The following CHD5 variants were observed in gnomAD, a reference collection of about 807,000 sequenced individuals.
The protein encoded by CHD5 is chromodomain helicase DNA binding protein 5, also known as ATP-dependent chromatin remodeler CHD5.
In CHD5, 69 loss-of-function variants were observed where a neutral mutation model predicts 230.3. That is an observed-to-expected ratio of 0.30 (90% CI 0.25 to 0.37). The LOEUF (loss-of-function observed/expected upper bound fraction) is 0.37. Ranked by LOEUF, CHD5 falls within the 10% of genes least tolerant of loss-of-function variation. CHD5 has a pLI of 1.00. For missense variants in CHD5, 1,827 were observed against 2,622.8 expected, an observed-to-expected ratio of 0.70 and a Z score of 6.63; for synonymous variants, 1,064 against 1,065.9, an observed-to-expected ratio of 1.00 and a Z score of 0.03.
chr1:6,121,725 G>A lies in CHD5; in HGVS notation c.4700-152C>T, dbSNP rs988354000. 54 of 612,478 alleles carry A rather than the reference G, an allele frequency of 8.8e-5. No homozygotes were observed. Among genetic ancestry groups the A allele is most frequent in the African/African-American group, 2.0e-4 (11 of 53,810 alleles). The allele number at this position is 612,478 out of a possible 1,614,324, so 37.9% of individuals were successfully genotyped here. ...TCCAGGAGAGACAAGCAGGATCCCC[G>A]GCTAAGTCAGAGAGGCCAGGCCAGG... On this transcript the variant is annotated intron_variant, in intron 31 of 41. Transcript: ENST00000262450. The surrounding 1 kb of genome is among the most constrained non-coding windows in gnomAD (Gnocchi z 4.5).
At chr1:6,124,773 ACCT>A (rs1666527774) in intron 29 of CHD5, 112 bp from the exon 30 acceptor site, 3 of 754,320 alleles carry the variant, frequency 4.0e-6, no homozygotes, top group Non-Finnish European at 6.4e-6. Context: ...ACCATCGCCC[ACCT>A]CCTAGTCAGG....
At chr1:6,106,311 G>C (rs955170108) in intron 40 of CHD5, 24 bp from the exon 41 acceptor site, 4 of 1,612,790 alleles carry the variant, frequency 2.5e-6, no homozygotes, top group Non-Finnish European at 3.4e-6. Flanking sequence ...AGGAGAGCCG[G>C]GCTTGCCTGA....
Position 6,180,118 on chromosome 1 carries a change from GGGCGAGGCGGCCTC to G in CHD5, c.-109_-96del. On this transcript the variant is annotated 5_prime_UTR_variant, in exon 1 of 42. Transcript: ENST00000262450. ...GCGCTGCCGGACCGGCGCGCGCGGC[GGGCGAGGCGGCCTC>G]GGCGAGAAGATGGCGGCCGCCTGCC... 4.3e-6 allele frequency: 2 copies of G among 461,300 alleles called. No individual in the cohort carries two copies. Among genetic ancestry groups the G allele is most frequent in the South Asian group, 2.0e-4 (2 of 10,204 alleles). 28.6% of individuals were successfully genotyped at this position (461,300 alleles called of 1,614,324 possible).
Position 6,154,892 on chromosome 1 carries a change from G to T in CHD5, c.513C>A (p.Leu171=). The T allele has an allele frequency of 1.2e-6, 2 of 1,613,438 alleles. No individual in the cohort carries two copies. The highest frequency in any genetic ancestry group is 1.7e-6 in the Non-Finnish European group (2 of 1,179,776). Reference sequence around the variant, plus strand: ...GGATCTTCGGGTTCTTCTTGGCAATGAGTGGCCTGTAGGGGGAGAGGCAGG... The same window carrying T: ...GGATCTTCGGGTTCTTCTTGGCAATTAGTGGCCTGTAGGGGGAGAGGCAGG... The part of the protein sequence containing the change: ...YKAFSQFLRP[L]IAKKNPKIPM... Residue 171 remains leucine (L), a synonymous_variant, in exon 5 of 42, where the codon CTC becomes CTA. Coordinates refer to ENST00000262450, the MANE Select transcript of CHD5 (RefSeq NM_015557.3). The surrounding 1 kb of genome is among the most constrained non-coding windows in gnomAD (Gnocchi z 7.0).
At chr1:6,118,702 CT>C (rs59422054) in intron 33 of CHD5, among the ~76,000 whole-genome samples, 87 of 148,078 alleles carry the variant, frequency 5.9e-4, no homozygotes, top group Admixed American at 7.5e-4. Flanking sequence ...TACTTCATTA[CT>C]TTTTTTTTTT....
Position 6,106,349 on chromosome 1 carries a change from C to T in CHD5, c.5857+46G>A, listed in dbSNP as rs376383875. The T allele has an allele frequency of 3.7e-5, 60 of 1,611,422 alleles. No homozygotes were observed. The African/African-American group carries it at 5.9e-4, about 16-fold the overall frequency. ...TTGGCAGCAGCAGGCAGGCCGGGCC[C>T]GGCGGGCACCCGTGTGCATGCTGCC... is the stretch of plus-strand genomic sequence containing the variant. On this transcript the variant is annotated intron_variant, in intron 40 of 41. Transcript: ENST00000262450.
chr1:6,151,092 G>T lies in CHD5; in HGVS notation c.934C>A (p.Arg312Ser). 2 of 1,609,354 alleles carry T rather than the reference G, an allele frequency of 1.2e-6. No individual in the cohort carries two copies. Among genetic ancestry groups the T allele is most frequent in the Non-Finnish European group, 1.7e-6 (2 of 1,177,560 alleles). The stretch of plus-strand genomic sequence containing the variant: ...CCCAGGGCTGCAGAGCATTCGGAGC[G>T]CACGGAGGCACTGTGGATGCTGGCG... Reference protein sequence around the residue: ...DSASIHSASVRSECSAALGKK... With the variant: ...DSASIHSASVSSECSAALGKK... The change falls in exon 7 of 42, where the codon CGC (arginine) becomes AGC (serine). Residue 312 changes from arginine (R) to serine (S), a missense_variant. Coordinates refer to ENST00000262450, the MANE Select transcript of CHD5 (RefSeq NM_015557.3).
At position 6,105,125 on chromosome 1, in the gene CHD5, G is replaced by A. The variant is rs1405227551; in HGVS notation, c.*349C>T. On this transcript the variant is annotated 3_prime_UTR_variant, in exon 42 of 42. Transcript: ENST00000262450. The surrounding 1 kb of genome is among the most constrained non-coding windows in gnomAD (Gnocchi z 4.8). ...ATCCAACTTTTATCAAGACAAACGT[G>A]TTCAAGTCTTCAATAGGAAAGTGCA... 1 of 337,524 alleles carries A rather than the reference G, an allele frequency of 3.0e-6. No homozygotes were observed. The highest frequency in any genetic ancestry group is 8.1e-5 in the East Asian group (1 of 12,286). 20.9% of individuals were successfully genotyped at this position (337,524 alleles called of 1,614,324 possible). A position where few individuals can be genotyped will look rare whatever the true frequency, so the allele number is the denominator to read the frequency against.
In CHD5 at chr1:6,104,384, G is replaced by A. The variant is rs373240499; in HGVS notation, c.*1090C>T. 4.6e-5 allele frequency: 7 copies of A among 152,364 alleles called. No individual in the cohort carries two copies. Among genetic ancestry groups the A allele is most frequent in the African/African-American group, 9.7e-5 (4 of 41,436 alleles). The allele number at this position is 152,364 out of a possible 1,614,324, so 9.4% of individuals were successfully genotyped here. A position where few individuals can be genotyped will look rare whatever the true frequency, so the allele number is the denominator to read the frequency against. On this transcript the variant is annotated 3_prime_UTR_variant, in exon 42 of 42. Coordinates refer to ENST00000262450, the MANE Select transcript of CHD5 (RefSeq NM_015557.3). Reference sequence around the variant, plus strand: ...GTGCAGCCTCAGGCAAAAAGCCCCCGGGAAGGCCTTTCCAGGGACAGGGGA... The same window carrying A: ...GTGCAGCCTCAGGCAAAAAGCCCCCAGGAAGGCCTTTCCAGGGACAGGGGA...
At position 6,103,266 on chromosome 1, in the gene CHD5, G is replaced by A. The variant is rs1666104186; in HGVS notation, c.*2208C>T. 1 of 152,574 alleles carries A rather than the reference G, an allele frequency of 6.6e-6. No homozygotes were observed. Among genetic ancestry groups the A allele is most frequent in the Non-Finnish European group, 1.5e-5 (1 of 68,208 alleles). The allele number at this position is 152,574 out of a possible 1,614,324, so 9.5% of individuals were successfully genotyped here. A position where few individuals can be genotyped will look rare whatever the true frequency, so the allele number is the denominator to read the frequency against. ...TGGACCAGGCAGTGCAGGGGGCCCAGGCCCAAAGGAGCCCTGGCCAGGCTT... is the reference window on the plus strand; with the variant it reads ...TGGACCAGGCAGTGCAGGGGGCCCAAGCCCAAAGGAGCCCTGGCCAGGCTT... On this transcript the variant is annotated 3_prime_UTR_variant, in exon 42 of 42. Coordinates refer to ENST00000262450, the MANE Select transcript of CHD5 (RefSeq NM_015557.3).
Position 6,112,135 on chromosome 1 carries a change from A to T in CHD5, c.5140+5T>A. Reference sequence around the variant, plus strand: ...AGCTCTCTGCCCAACCCCCAACCCCAATACCCGTGAAGCCCCCGTCCGCGA... The same window carrying T: ...AGCTCTCTGCCCAACCCCCAACCCCTATACCCGTGAAGCCCCCGTCCGCGA... On this transcript the variant is annotated splice_donor_5th_base_variant and intron_variant, in intron 35 of 41. Coordinates refer to ENST00000262450, the MANE Select transcript of CHD5 (RefSeq NM_015557.3). 2.5e-6 allele frequency: 4 copies of T among 1,612,584 alleles called. No individual in the cohort carries two copies. The highest frequency in any genetic ancestry group is 3.4e-6 in the Non-Finnish European group (4 of 1,179,188).
Position 6,135,237 on chromosome 1 carries a change from T to C in CHD5, c.2863A>G (p.Met955Val). ...ELIVRVELSQ[M>V]QKKYYKFILT... ...GGTCAGCCCATCACTCACTTCTGCATCTGGCTCAGCTCCACCCGGACAATG... is the reference window on the plus strand; with the variant it reads ...GGTCAGCCCATCACTCACTTCTGCACCTGGCTCAGCTCCACCCGGACAATG... Residue 955 changes from methionine (M) to valine (V), a missense_variant, in exon 18 of 42, where the codon ATG becomes GTG. Coordinates refer to ENST00000262450, the MANE Select transcript of CHD5 (RefSeq NM_015557.3). 3 of 1,613,996 alleles carry C rather than the reference T, an allele frequency of 1.9e-6. No individual in the cohort carries two copies. The highest frequency in any genetic ancestry group is 2.5e-6 in the Non-Finnish European group (3 of 1,179,986).
chr1:6,150,516 G>A (rs1666988680), intron 7 of CHD5, among the ~76,000 whole-genome samples: 1 of 145,924 alleles, frequency 6.9e-6, no homozygotes, highest in Non-Finnish European at 1.5e-5. Flanking sequence ...ATGGATGGAT[G>A]GATGGATGGT....
In CHD5 at chr1:6,102,059, C is replaced by T. The variant is rs1337908851; in HGVS notation, c.*3415G>A. 5.1e-6 allele frequency: 2 copies of T among 395,638 alleles called. No individual in the cohort carries two copies. Among genetic ancestry groups the T allele is most frequent in the Admixed American group, 3.9e-5 (1 of 25,602 alleles). The allele number at this position is 395,638 out of a possible 1,614,324, so 24.5% of individuals were successfully genotyped here. A position where few individuals can be genotyped will look rare whatever the true frequency, so the allele number is the denominator to read the frequency against. On this transcript the variant is annotated 3_prime_UTR_variant, in exon 42 of 42. Coordinates refer to ENST00000262450, the MANE Select transcript of CHD5 (RefSeq NM_015557.3). The stretch of plus-strand genomic sequence containing the variant: ...TGTGCCTGGGGAAAGGGGTCGGCCC[C>T]CTCTTAGCTGGGCCTGGGCCGGTGG...
At position 6,125,731 on chromosome 1, in the gene CHD5, C is replaced by A. The variant is rs1011356994; in HGVS notation, c.4171+35G>T. On this transcript the variant is annotated intron_variant, in intron 27 of 41. Coordinates refer to ENST00000262450, the MANE Select transcript of CHD5 (RefSeq NM_015557.3). This position sits in a 1 kb window ranked among gnomAD's most constrained non-coding sequence, Gnocchi z 6.7. ...GCCATCAGCTCCCCTGACATGGCCT[C>A]AGCAGTAGCCCAGACCACTAACACT... 1 of 1,594,288 alleles carries A rather than the reference C, an allele frequency of 6.3e-7. No individual in the cohort carries two copies. The highest frequency in any genetic ancestry group is 8.6e-7 in the Non-Finnish European group (1 of 1,161,992).
chr1:6,145,529 C>G (rs1016792619), intron 11 of CHD5, among the ~76,000 whole-genome samples: 5 of 152,216 alleles, frequency 3.3e-5, no homozygotes, highest in African/African-American at 1.2e-4. Flanking sequence ...TCCCACCACC[C>G]ACCAAATCAA....
intron 17 of CHD5, 104 bp from the exon 18 acceptor site, chr1:6,135,507 G>C: frequency 5.8e-6 from 6 of 1,030,564 alleles, no homozygotes; most frequent in Non-Finnish European, 8.4e-6. Flanking sequence ...GGTGAACCAG[G>C]GAGCCCTGGC....
At chr1:6,119,093 C>T (rs564899920) in intron 33 of CHD5, among the ~76,000 whole-genome samples, 26 of 151,050 alleles carry the variant, frequency 1.7e-4, no homozygotes, top group Non-Finnish European at 2.8e-4. Flanking sequence ...TAGAAAAAGG[C>T]GTAACAAATA....
In CHD5 at chr1:6,155,564, G is replaced by T; in HGVS notation, c.506+35C>A. 1 of 1,540,726 alleles carries T rather than the reference G, an allele frequency of 6.5e-7. No homozygotes were observed. Among genetic ancestry groups the T allele is most frequent in the East Asian group, 2.2e-5 (1 of 44,506 alleles). On this transcript the variant is annotated intron_variant, in intron 4 of 41. Transcript: ENST00000262450. This position sits in a 1 kb window ranked among gnomAD's most constrained non-coding sequence, Gnocchi z 4.0. Reference sequence around the variant, plus strand: ...CCGACTTGGTACCACCAGAGGATGTGCGGGCCTGGAGAACAGCCCTAGTGC... The same window carrying T: ...CCGACTTGGTACCACCAGAGGATGTTCGGGCCTGGAGAACAGCCCTAGTGC...
Sources: gnomAD v4.1 joint callset for allele counts (sites outside exome capture counted in the v4.1 genomes callset) on GRCh38, gnomAD v4.1.1 for gene constraint, Gnocchi (gnomAD v3.1) non-coding constraint, MANE v1.5 for transcripts, NCBI Gene and HGNC (gene_info 2026-07-23, HGNC 2026-07-21) for gene names.